CUX1: variants seen among roughly 807,000 people sequenced by gnomAD.
The protein encoded by CUX1 is protein CASP.
Under a neutral mutation model 158.8 loss-of-function variants are expected in CUX1, and 31 were observed. The observed-to-expected ratio is 0.20, with a 90% CI of 0.15 to 0.26. CUX1 has a LOEUF of 0.26. Among genes scored for constraint, CUX1 ranks in the 10% least tolerant of loss-of-function variants. The pLI is 1.00. For missense variants in CUX1, 1,589 were observed against 2,014.6 expected, an observed-to-expected ratio of 0.79 and a Z score of 4.04; for synonymous variants, 879 against 862.1, an observed-to-expected ratio of 1.02 and a Z score of -0.34.
At chr7:102,092,852 G>A (rs1172803650) in intron 4 of CUX1, among the ~76,000 whole-genome samples, 5 of 146,762 alleles carry the variant, frequency 3.4e-5, no homozygotes, top group African/African-American at 1.3e-4. Context: ...GGCAGAGGAT[G>A]TAGTGAGCCA....
intron 21 of CUX1, 38 bp from the exon 22 acceptor site, chr7:102,234,014 C>T (rs782562685): frequency 8.5e-6 from 12 of 1,412,056 alleles, no homozygotes; most frequent in Admixed American, 2.7e-5. Flanking sequence ...CCCTGGCTCT[C>T]GGTGACAATA....
chr7:102,170,609 A>ACAGCCGCTTGCTCCTTTTTGTTTT, intron 10 of CUX1, 59 bp downstream of exon 10: 1 of 1,167,096 alleles, frequency 8.6e-7, no homozygotes, highest in South Asian at 1.4e-5. Flanking sequence ...CCTTCGAGTT[A>ACAGCCGCTTGCTCCTTTTTGTTTT]CAGCCGCTTG....
At chr7:102,016,354 C>T (rs10233058) in intron 2 of CUX1, among the ~76,000 whole-genome samples, 64,439 of 152,070 alleles carry the variant, frequency 0.42, 14,294 homozygotes, top group Non-Finnish European at 0.46. Context: ...TCACCTGCCA[C>T]ACAACAGAGG....
chr7:101,826,665 A>G (rs1421308563), intron 1 of CUX1, among the ~76,000 whole-genome samples: 1 of 152,148 alleles, frequency 6.6e-6, no homozygotes. Context: ...GGAAGGCTGC[A>G]GGAAGGGCTT....
intron 2 of CUX1, among the ~76,000 whole-genome samples, chr7:101,997,741 C>G (rs145806367): frequency 6.6e-6 from 1 of 152,134 alleles, no homozygotes; most frequent in Non-Finnish European, 1.5e-5. Context: ...GATGGCAGAG[C>G]GCAGCTGTGT....
chr7:102,044,139 C>T (rs1296659027), intron 3 of CUX1, among the ~76,000 whole-genome samples: 2 of 151,768 alleles, frequency 1.3e-5, no homozygotes, highest in Non-Finnish European at 2.9e-5. Context: ...AGCCACTGCG[C>T]CAGGCCTTAT....
At chr7:102,108,527 AGGTTTTCTCC>A (rs1182158654) in intron 6 of CUX1, among the ~76,000 whole-genome samples, 1 of 151,854 alleles carries the variant, frequency 6.6e-6, no homozygotes, top group Admixed American at 6.6e-5. Context: ...CAGTAGAGAT[AGGTTTTCTCC>A]ATGTTGCTCA....
At position 102,028,988 on chromosome 7, in the gene CUX1, A is replaced by AT. The variant is rs71519103; in HGVS notation, c.189+864dup. 9.1e-3 allele frequency among the ~76,000 whole-genome samples: 1,039 copies of AT among 114,214 alleles called. 23 individuals are homozygous for AT. Among genetic ancestry groups the AT allele is most frequent in the African/African-American group, 0.016 (482 of 30,120 alleles). 74.9% of individuals were successfully genotyped at this position (114,214 alleles called of 152,430 possible). A position where few individuals can be genotyped will look rare whatever the true frequency, so the allele number is the denominator to read the frequency against. On this transcript the variant is annotated intron_variant, in intron 3 of 23. Transcript: ENST00000292535. ...AGCCCATATTGGTACAGTCTTAGGG[A>AT]TTTTTTTTTTTTTTTTTTTTTGGCG...
intron 17 of CUX1, among the ~76,000 whole-genome samples, chr7:102,277,729 G>A (rs1391706223): frequency 2.6e-5 from 4 of 152,154 alleles, no homozygotes; most frequent in African/African-American, 4.8e-5. Flanking sequence ...CAAAAACCAC[G>A]ATTACATTTG....
intron 2 of CUX1, among the ~76,000 whole-genome samples, chr7:102,006,199 C>T (rs576420837): frequency 8.2e-4 from 125 of 152,248 alleles, no homozygotes; most frequent in African/African-American, 2.8e-3. Flanking sequence ...GGTCCACTGG[C>T]TCGGAAGTCG....
At chr7:102,024,728 A>T (rs2129327010) in intron 2 of CUX1, among the ~76,000 whole-genome samples, 2 of 151,978 alleles carry the variant, frequency 1.3e-5, no homozygotes, top group South Asian at 4.2e-4. Context: ...CCCTGCTGGG[A>T]TCATAGTAAT....
At position 102,248,039 on chromosome 7, in the gene CUX1, G is replaced by A. The variant is rs538485903; in HGVS notation, c.3888-373G>A. 1.1e-3 allele frequency among the ~76,000 whole-genome samples: 164 copies of A among 152,334 alleles called. 1 individual carries two copies. In the South Asian group the frequency reaches 0.017, roughly 16 times the overall value. ...CCAGGTACTCTGGAGGCTGAGGCAG[G>A]AGAATCGCTTGAACCCAGGAGGCAG... On this transcript the variant is annotated intron_variant, in intron 23 of 23. Coordinates refer to ENST00000292535, the MANE Select transcript of CUX1 (RefSeq NM_181552.4). The surrounding 1 kb of genome is among the most constrained non-coding windows in gnomAD (Gnocchi z 5.8).
At chr7:101,881,389 C>T (rs1314129026) in intron 1 of CUX1, among the ~76,000 whole-genome samples, 1 of 152,200 alleles carries the variant, frequency 6.6e-6, no homozygotes. Context: ...GTTCTTCCAG[C>T]ATCAAAAGCA....
chr7:101,915,879 A>G (rs1421953173), intron 1 of CUX1, among the ~76,000 whole-genome samples: 5 of 152,162 alleles, frequency 3.3e-5, no homozygotes, highest in African/African-American at 9.7e-5. Context: ...ACGACCCATG[A>G]TGTTGAACGA....
At chr7:101,876,479 G>A (rs1244873942) in intron 1 of CUX1, among the ~76,000 whole-genome samples, 3 of 151,694 alleles carry the variant, frequency 2.0e-5, no homozygotes, top group South Asian at 4.2e-4. Context: ...GGCGGATCAC[G>A]AGATCAGGAG....
At chr7:102,050,330 T>C (rs67737740) in intron 3 of CUX1, among the ~76,000 whole-genome samples, 21,918 of 152,146 alleles carry the variant, frequency 0.14, 1,654 homozygotes, top group Middle Eastern at 0.22. Flanking sequence ...TGGTAGCTAG[T>C]TATTGATTAT....
intron 3 of CUX1, among the ~76,000 whole-genome samples, chr7:102,068,123 G>A (rs913696197): frequency 3.3e-5 from 5 of 151,698 alleles, no homozygotes; most frequent in African/African-American, 9.7e-5. Flanking sequence ...ACATGGTCTC[G>A]CTGTGTTGCC....
At chr7:101,949,163 ACT>A (rs780803434) in intron 2 of CUX1, among the ~76,000 whole-genome samples, 3 of 151,826 alleles carry the variant, frequency 2.0e-5, no homozygotes, top group Non-Finnish European at 4.4e-5. Context: ...ACAGAGTCTC[ACT>A]CTGTCGCCCA....
At chr7:101,841,164 A>T (rs6465834) in intron 1 of CUX1, among the ~76,000 whole-genome samples, 1 of 152,116 alleles carries the variant, frequency 6.6e-6, no homozygotes, top group South Asian at 2.1e-4. Context: ...AAGTGCTGGG[A>T]TTACAGGCGT....
Sources: allele counts gnomAD v4.1 joint callset (sites outside exome capture counted in the v4.1 genomes callset), GRCh38; gene constraint gnomAD v4.1.1; non-coding constraint Gnocchi (gnomAD v3.1); transcripts MANE v1.5; gene names NCBI Gene and HGNC (gene_info 2026-07-23, HGNC 2026-07-21).